OARD1: variants seen among roughly 807,000 people sequenced by gnomAD.
OARD1 encodes the protein ADP-ribose glycohydrolase OARD1.
Under a neutral mutation model 19.7 loss-of-function variants are expected in OARD1, and 19 were observed. That is an observed-to-expected ratio of 0.96 (90% CI 0.67 to 1.41). OARD1 has a LOEUF of 1.41. OARD1 is among the 40% of genes most tolerant of loss of function. OARD1 has a pLI of 0.00. For missense variants in OARD1, 190 were observed against 183.8 expected, an observed-to-expected ratio of 1.03 and a Z score of -0.20; for synonymous variants, 70 against 61.8, an observed-to-expected ratio of 1.13 and a Z score of -0.62.
chr6:41,097,430 G>A (rs779677191), intron 1 of OARD1: 5 of 1,612,506 alleles, frequency 3.1e-6, no homozygotes, highest in South Asian at 1.1e-5. Flanking sequence ...ATGTGATGGA[G>A]CTGATCAAGG....
intron 1 of OARD1, among the ~76,000 whole-genome samples, chr6:41,083,644 C>T (rs561481753): frequency 1.3e-4 from 20 of 152,314 alleles, no homozygotes; most frequent in African/African-American, 4.8e-4. Context: ...TACTCAACCA[C>T]CATCACCACC....
intron 2 of OARD1, 153 bp downstream of exon 2, chr6:41,071,443 G>A (rs1237728109): frequency 2.1e-6 from 2 of 965,752 alleles, no homozygotes; most frequent in Non-Finnish European, 1.6e-6. Context: ...AGTAATGGAT[G>A]ATCCCTGCCT....
upstream of OARD1, among the ~76,000 whole-genome samples, chr6:41,073,268 G>A (rs1372647073): frequency 6.6e-6 from 1 of 151,486 alleles, no homozygotes; most frequent in Non-Finnish European, 1.5e-5. Flanking sequence ...GGGCACTCCC[G>A]GCCGAGGCCT....
At chr6:41,072,912 G>A (rs1254458095), upstream of OARD1, 1 of 153,570 alleles carries the variant, frequency 6.5e-6, no homozygotes, top group Non-Finnish European at 1.5e-5. Context: ...TGGCCTCAGA[G>A]GCGCCTGCGC....
chr6:41,074,102 T>G (rs933000678), upstream of OARD1, among the ~76,000 whole-genome samples: 1 of 152,236 alleles, frequency 6.6e-6, no homozygotes, highest in Non-Finnish European at 1.5e-5. Flanking sequence ...AGTACAGTTT[T>G]GGGGGTTTTT....
intron 1 of OARD1, chr6:41,097,277 T>TG: frequency 7.7e-7 from 1 of 1,296,072 alleles, no homozygotes; most frequent in South Asian, 1.2e-5. Flanking sequence ...TGTATTCTCT[T>TG]GGGGGGATAA....
chr6:41,068,723 CTT>C, intron 5 of OARD1, 116 bp downstream of exon 5: 2 of 602,690 alleles, frequency 3.3e-6, no homozygotes, highest in East Asian at 6.5e-5. Context: ...AAAATTTTGA[CTT>C]TTGTCCACCT....
At chr6:41,088,453 T>C (rs1023890396) in intron 1 of OARD1, among the ~76,000 whole-genome samples, 1 of 151,250 alleles carries the variant, frequency 6.6e-6, no homozygotes, top group Non-Finnish European at 1.5e-5. Flanking sequence ...AAATTTATTT[T>C]ATAGTTTCTG....
At chr6:41,094,366 A>G (rs754716579) in intron 1 of OARD1, 4 of 1,584,696 alleles carry the variant, frequency 2.5e-6, no homozygotes, top group African/African-American at 1.3e-5. Context: ...GATAGTATTA[A>G]TAGTTAAATG....
intron 1 of OARD1, chr6:41,090,422 C>G: frequency 2.2e-6 from 1 of 449,564 alleles, no homozygotes; most frequent in Non-Finnish European, 4.1e-6. Flanking sequence ...ATTTTTTGGA[C>G]AAAAAAAAAA....
At chr6:41,082,112 T>G (rs1179334743) in intron 1 of OARD1, among the ~76,000 whole-genome samples, 1 of 152,250 alleles carries the variant, frequency 6.6e-6, no homozygotes, top group Non-Finnish European at 1.5e-5. Flanking sequence ...GCATCTCACT[T>G]TATTGCTAGT....
upstream of OARD1, among the ~76,000 whole-genome samples, chr6:41,076,590 T>A (rs1157422421): frequency 1.3e-5 from 2 of 152,170 alleles, no homozygotes; most frequent in Non-Finnish European, 2.9e-5. Context: ...CTTGGAATAG[T>A]GGGGCAAAGA....
chr6:41,069,858 G>A lies in OARD1; in HGVS notation c.243+218C>T. The A allele has an allele frequency of 4.9e-6, 3 of 614,924 alleles. No individual in the cohort carries two copies. In the South Asian group the frequency reaches 5.1e-5, roughly 11 times the overall value. 38.1% of individuals were successfully genotyped at this position (614,924 alleles called of 1,614,324 possible). Reference sequence around the variant, plus strand: ...ACATGATACACGACTTTCCCACAGAGCTGGGATGCAGCCTCACATTTCTTT... The same window carrying A: ...ACATGATACACGACTTTCCCACAGAACTGGGATGCAGCCTCACATTTCTTT... On this transcript the variant is annotated intron_variant, in intron 4 of 5. Coordinates refer to ENST00000424266, the MANE Select transcript of OARD1 (RefSeq NM_001329686.2).
intron 1 of OARD1, among the ~76,000 whole-genome samples, chr6:41,097,104 C>A (rs139074194): frequency 1.3e-5 from 2 of 152,318 alleles, no homozygotes; most frequent in African/African-American, 2.4e-5. Context: ...GAAAGAGATA[C>A]ACTAACAGCC....
At chr6:41,077,338 A>G (rs1478183482), upstream of OARD1, among the ~76,000 whole-genome samples, 1 of 152,118 alleles carries the variant, frequency 6.6e-6, no homozygotes, top group Non-Finnish European at 1.5e-5. Flanking sequence ...GATATAAAAC[A>G]TTTTCATCAC....
chr6:41,074,710 A>T (rs1443267321), upstream of OARD1, among the ~76,000 whole-genome samples: 1 of 152,220 alleles, frequency 6.6e-6, no homozygotes, highest in Non-Finnish European at 1.5e-5. Flanking sequence ...TTGCTAAGGA[A>T]TATTTTGGAA....
intron 1 of OARD1, among the ~76,000 whole-genome samples, chr6:41,085,328 G>C (rs1316285586): frequency 2.0e-5 from 3 of 152,160 alleles, no homozygotes; most frequent in Non-Finnish European, 4.4e-5. Flanking sequence ...CCATTAATAA[G>C]AATAAGGAAA....
At position 41,071,292 on chromosome 6, in the gene OARD1, A is replaced by C. The variant is rs377436259; in HGVS notation, c.40-16T>G. Reference sequence around the variant, plus strand: ...CATAAGTGATCTAAAAAATGTGCAAAGGAAAAGACAATGTTTTATTAGATA... The same window carrying C: ...CATAAGTGATCTAAAAAATGTGCAACGGAAAAGACAATGTTTTATTAGATA... On this transcript the variant is annotated splice_polypyrimidine_tract_variant and intron_variant, in intron 2 of 5. Transcript: ENST00000424266. The C allele has an allele frequency of 6.2e-7, 1 of 1,611,548 alleles. No homozygotes were observed. The highest frequency in any genetic ancestry group is 1.3e-5 in the African/African-American group (1 of 74,754).
At chr6:41,079,078 C>T (rs1243386966) in intron 1 of OARD1, 2 of 1,613,694 alleles carry the variant, frequency 1.2e-6, no homozygotes, top group Non-Finnish European at 1.7e-6. Context: ...AGGAATCTCA[C>T]TTGGAGGGAC....
Sources: allele counts gnomAD v4.1 joint callset (sites outside exome capture counted in the v4.1 genomes callset), GRCh38; gene constraint gnomAD v4.1.1; transcripts MANE v1.5; gene names NCBI Gene and HGNC (gene_info 2026-07-23, HGNC 2026-07-21).